Variants in OTULIN observed in about 807,000 individuals in gnomAD.
OTULIN encodes the protein OTU deubiquitinase with linear linkage specificity.
Under a neutral mutation model 39.6 loss-of-function variants are expected in OTULIN, and 15 were observed. The observed-to-expected ratio is 0.38, with a 90% CI of 0.25 to 0.58. OTULIN has a LOEUF of 0.58. Ranked by LOEUF, OTULIN falls within the 20% of genes least tolerant of loss-of-function variation. The probability of loss-of-function intolerance (pLI) is 0.66; values close to 1 mark genes in which losing one functional copy is unlikely to be tolerated. For missense variants in OTULIN, 319 were observed against 445.9 expected (o/e 0.72, Z 2.56); for synonymous variants, 156 against 170.3 (o/e 0.92, Z 0.65).
At chr5:14,681,329 A>T (rs1398411066) in intron 3 of OTULIN, 135 bp from the exon 4 acceptor site, 2 of 919,918 alleles carry the variant, frequency 2.2e-6, no homozygotes, top group Admixed American at 2.6e-5. Context: ...ACAATTGCTT[A>T]GAAAGGGACA....
At chr5:14,712,645 C>T in the OTULIN span, among the ~76,000 whole-genome samples, 11 of 152,250 alleles carry the variant, frequency 7.2e-5, no homozygotes, top group African/African-American at 1.2e-4. Context: ...TCCCCTTTGG[C>T]GCAAAACTCT....
In OTULIN at chr5:14,693,053, C is replaced by G. The variant is rs371508922; in HGVS notation, c.*5C>G. The G allele has an allele frequency of 6.3e-7, 1 of 1,599,374 alleles. No homozygotes were observed. Among genetic ancestry groups the G allele is most frequent in the South Asian group, 1.1e-5 (1 of 89,748 alleles). ...TGTGAGGAGACCAGTCTATGAGAGA[C>G]GCATGCTCCTGACAGCCTGGCGACG... On this transcript the variant is annotated 3_prime_UTR_variant, in exon 7 of 7. Transcript: ENST00000284274.
At chr5:14,686,139 G>A (rs1736382977) in intron 4 of OTULIN, among the ~76,000 whole-genome samples, 1 of 152,304 alleles carries the variant, frequency 6.6e-6, no homozygotes, top group South Asian at 2.1e-4. Context: ...AACCACCTTA[G>A]TTCACACGAT....
At chr5:14,671,884 TCTG>T (rs747208560) in intron 1 of OTULIN, among the ~76,000 whole-genome samples, 23 of 152,220 alleles carry the variant, frequency 1.5e-4, no homozygotes, top group Non-Finnish European at 2.8e-4. Context: ...TTTCCATGTA[TCTG>T]TTTCTTAAAA....
At chr5:14,691,201 G>A (rs1736517480) in intron 6 of OTULIN, among the ~76,000 whole-genome samples, 1 of 152,198 alleles carries the variant, frequency 6.6e-6, no homozygotes. Context: ...CGCTAAAGTA[G>A]CATTAAGGCT....
chr5:14,669,130 G>T (rs1327200901), intron 1 of OTULIN, among the ~76,000 whole-genome samples: 1 of 150,954 alleles, frequency 6.6e-6, no homozygotes, highest in Non-Finnish European at 1.5e-5. Context: ...TTTGGAGGCT[G>T]AGGCAGGCAG....
intron 2 of OTULIN, among the ~76,000 whole-genome samples, chr5:14,675,791 C>T (rs1351734288): frequency 6.6e-6 from 1 of 152,202 alleles, no homozygotes; most frequent in East Asian, 1.9e-4. Context: ...ATTTGTTACC[C>T]TCTCAGAGCC....
intron 6 of OTULIN, among the ~76,000 whole-genome samples, 175 bp from the exon 7 acceptor site, chr5:14,692,679 C>T (rs200222009): frequency 7.0e-6 from 1 of 143,236 alleles, no homozygotes; most frequent in African/African-American, 2.6e-5. Context: ...TGATTATCTG[C>T]TTTTTTTTTT....
intron 4 of OTULIN, among the ~76,000 whole-genome samples, chr5:14,685,188 G>C (rs987101003): frequency 6.6e-6 from 1 of 152,190 alleles, no homozygotes; most frequent in African/African-American, 2.4e-5. Flanking sequence ...GAGATAGACT[G>C]TGTATCAAAA....
At chr5:14,689,519 G>A (rs559106929) in intron 5 of OTULIN, among the ~76,000 whole-genome samples, 11 of 152,290 alleles carry the variant, frequency 7.2e-5, no homozygotes, top group Non-Finnish European at 1.3e-4. Context: ...TTCCTGAATG[G>A]ATTTATTCAT....
At chr5:14,702,398 C>T (rs759740768), downstream of OTULIN, among the ~76,000 whole-genome samples, 15 of 152,108 alleles carry the variant, frequency 9.9e-5, no homozygotes, top group Non-Finnish European at 2.9e-5. Context: ...TGGGCATCAC[C>T]GCTGTATTTG....
In OTULIN at chr5:14,696,167, G is replaced by A. The variant is rs1341544803; in HGVS notation, c.*3119G>A. 4 of 152,164 alleles carry A rather than the reference G, an allele frequency of 2.6e-5. No homozygotes were observed. Among genetic ancestry groups the A allele is most frequent in the Non-Finnish European group, 5.9e-5 (4 of 68,028 alleles). The allele number at this position is 152,164 out of a possible 1,614,324, so 9.4% of individuals were successfully genotyped here. On this transcript the variant is annotated 3_prime_UTR_variant, in exon 7 of 7. Coordinates refer to ENST00000284274, the MANE Select transcript of OTULIN (RefSeq NM_138348.6). Reference sequence around the variant, plus strand: ...TCCCGATGTGCTGTTTTACCTAGGAGTTAGTCTGCTTTCTGAGGATCTTTT... The same window carrying A: ...TCCCGATGTGCTGTTTTACCTAGGAATTAGTCTGCTTTCTGAGGATCTTTT...
At chr5:14,676,887 G>A (rs771643239) in intron 2 of OTULIN, among the ~76,000 whole-genome samples, 7 of 151,878 alleles carry the variant, frequency 4.6e-5, no homozygotes, top group African/African-American at 1.5e-4. Context: ...AATATTTCTC[G>A]AATTAAAAAA....
rs1242307228 is a variant in OTULIN at position 14,699,588 on chromosome 5, G to T, written c.*6540G>T. ...GATGCTCTGCTCAACTCTGTGGACA[G>T]TGTTTCTTGAATTTCCTTTTCCACC... On this transcript the variant is annotated 3_prime_UTR_variant, in exon 7 of 7. Transcript: ENST00000284274. 1 of 152,254 alleles carries T rather than the reference G, an allele frequency of 6.6e-6. No individual in the cohort carries two copies. Among genetic ancestry groups the T allele is most frequent in the Non-Finnish European group, 1.5e-5 (1 of 68,072 alleles). 9.4% of individuals were successfully genotyped at this position (152,254 alleles called of 1,614,324 possible). A position where few individuals can be genotyped will look rare whatever the true frequency, so the allele number is the denominator to read the frequency against.
At chr5:14,703,838 A>G (rs945680444), downstream of OTULIN, among the ~76,000 whole-genome samples, 8 of 152,222 alleles carry the variant, frequency 5.3e-5, no homozygotes, top group Non-Finnish European at 1.0e-4. Context: ...AGAGAAGCAC[A>G]GTGGAGGTAG....
rs1209925878 is a variant in OTULIN, at chr5:14,687,657, T to C, written c.594+11T>C. The C allele has an allele frequency of 6.2e-7, 1 of 1,604,816 alleles. No homozygotes were observed. The highest frequency in any genetic ancestry group is 8.5e-7 in the Non-Finnish European group (1 of 1,177,110). Reference sequence around the variant, plus strand: ...CTGCTGAGGAAGAAGGTTTGGAACCTGTAGTGTCCTGTCTGATAAGGGTGA... The same window carrying C: ...CTGCTGAGGAAGAAGGTTTGGAACCCGTAGTGTCCTGTCTGATAAGGGTGA... On this transcript the variant is annotated intron_variant, in intron 5 of 6. Transcript: ENST00000284274.
chr5:14,689,351 T>C (rs1256736492), intron 5 of OTULIN, among the ~76,000 whole-genome samples: 1 of 152,254 alleles, frequency 6.6e-6, no homozygotes, highest in African/African-American at 2.4e-5. Flanking sequence ...CACTAGTTAT[T>C]GTTGATTCAT....
Position 14,698,266 on chromosome 5 carries a change from G to T in OTULIN, c.*5218G>T, listed in dbSNP as rs1360869109. ...AAGCCATTGTGAATGGAGGCTGGTG[G>T]AGCAGCACACTGTGTGAACCTGGCA... On this transcript the variant is annotated 3_prime_UTR_variant, in exon 7 of 7. Transcript: ENST00000284274. 6.6e-6 allele frequency: 1 copy of T among 152,242 alleles called. No individual in the cohort carries two copies. Among genetic ancestry groups the T allele is most frequent in the East Asian group, 1.9e-4 (1 of 5,204 alleles). 9.4% of individuals were successfully genotyped at this position (152,242 alleles called of 1,614,324 possible). A position where few individuals can be genotyped will look rare whatever the true frequency, so the allele number is the denominator to read the frequency against.
At chr5:14,701,144 C>T (rs1335164449), downstream of OTULIN, among the ~76,000 whole-genome samples, 1 of 152,202 alleles carries the variant, frequency 6.6e-6, no homozygotes, top group African/African-American at 2.4e-5. Flanking sequence ...TCTTTGAGGC[C>T]CCCTCTGTCT....
Sources: gnomAD v4.1 joint callset for allele counts (sites outside exome capture counted in the v4.1 genomes callset) on GRCh38, gnomAD v4.1.1 for gene constraint, MANE v1.5 for transcripts, NCBI Gene and HGNC (gene_info 2026-07-23, HGNC 2026-07-21) for gene names.